The following AGAP1 variants were observed in gnomAD, a reference collection of about 807,000 sequenced individuals.
AGAP1 encodes the protein arf-GAP with GTPase, ANK repeat and PH domain-containing protein 1.
In AGAP1, 29 loss-of-function variants were observed where a neutral mutation model predicts 105.3. The observed-to-expected ratio is 0.28, with a 90% CI of 0.21 to 0.38. The LOEUF (loss-of-function observed/expected upper bound fraction) is 0.38, where lower values mean the gene tolerates loss of function less well. Ranked by LOEUF, AGAP1 falls within the 10% of genes least tolerant of loss-of-function variation. The pLI, the probability that AGAP1 is intolerant of heterozygous loss-of-function variation, is 1.00. For synonymous variants in AGAP1, 509 were observed against 485.9 expected (o/e 1.05, Z -0.63); for missense variants, 998 against 1,165.1 (o/e 0.86, Z 2.09).
intron 16 of AGAP1, among the ~76,000 whole-genome samples, chr2:236,084,059 G>C (rs534494418): frequency 6.6e-6 from 1 of 152,158 alleles, no homozygotes; most frequent in Admixed American, 6.5e-5. Context: ...CTGGAGGATT[G>C]GCGCTCTCTG....
intron 16 of AGAP1, among the ~76,000 whole-genome samples, chr2:236,077,443 C>T (rs1236293636): frequency 6.6e-6 from 1 of 151,760 alleles, no homozygotes; most frequent in African/African-American, 2.4e-5. Flanking sequence ...CTCAGCCTCC[C>T]GAGTAGCTGG....
In AGAP1 at chr2:235,555,579, G is replaced by A. The variant is rs1019294129; in HGVS notation, c.163+60730G>A. Among the ~76,000 whole-genome samples the A allele has an allele frequency of 3.9e-5, 6 of 152,210 alleles. No homozygotes were observed. The highest frequency in any genetic ancestry group is 1.4e-4 in the African/African-American group (6 of 41,470). On this transcript the variant is annotated intron_variant, in intron 1 of 17. Transcript: ENST00000304032. This position sits in a 1 kb window ranked among gnomAD's most constrained non-coding sequence, Gnocchi z 5.1. ...AGCTGTCCTGCAGCAGGAAGAGGTAGTCATGTTTGGAGGCCGGGCTGTGCA... is the reference window on the plus strand; with the variant it reads ...AGCTGTCCTGCAGCAGGAAGAGGTAATCATGTTTGGAGGCCGGGCTGTGCA...
At chr2:235,667,014 G>A (rs114258599) in intron 1 of AGAP1, among the ~76,000 whole-genome samples, 4,829 of 152,146 alleles carry the variant, frequency 0.032, 245 homozygotes, top group African/African-American at 0.1. Context: ...TTGTTTCTCA[G>A]CTTACAGACC....
chr2:235,622,500 GT>G lies in AGAP1; in HGVS notation c.164-86677del, dbSNP rs1196998696. On this transcript the variant is annotated intron_variant, in intron 1 of 17. Coordinates refer to ENST00000304032, the MANE Select transcript of AGAP1 (RefSeq NM_001037131.3). The surrounding 1 kb of genome is among the most constrained non-coding windows in gnomAD (Gnocchi z 5.0). The stretch of plus-strand genomic sequence containing the variant: ...AGGTGTCTGGGATCTGAAGACAGCA[GT>G]TGGGGAGGACAGTGTTGGCTGCTGC... Among the ~76,000 whole-genome samples, 5 of 152,190 alleles carry G rather than the reference GT, an allele frequency of 3.3e-5. No homozygotes were observed. Among genetic ancestry groups the G allele is most frequent in the Non-Finnish European group, 7.3e-5 (5 of 68,038 alleles).
rs2057868293 is a variant in AGAP1, at chr2:236,050,585, T to A, written c.2114+1304T>A. Among the ~76,000 whole-genome samples the A allele has an allele frequency of 6.6e-6, 1 of 152,186 alleles. No homozygotes were observed. The highest frequency in any genetic ancestry group is 1.5e-5 in the Non-Finnish European group (1 of 68,040). ...ACTGTGAACAAGCTTAAAAGATGAA[T>A]TCATGTTTTAATATCTATTTTTTCA... On this transcript the variant is annotated intron_variant, in intron 16 of 17. Coordinates refer to ENST00000304032, the MANE Select transcript of AGAP1 (RefSeq NM_001037131.3). The surrounding 1 kb of genome is among the most constrained non-coding windows in gnomAD (Gnocchi z 4.0).
chr2:235,736,370 T>C lies in AGAP1; in HGVS notation c.311-4593T>C, dbSNP rs1952254160. ...ATGAAGTTATGCTGATGTCATTTAA[T>C]CGTACGTCATCATAATTGGCAGCAG... On this transcript the variant is annotated intron_variant, in intron 3 of 17. Coordinates refer to ENST00000304032, the MANE Select transcript of AGAP1 (RefSeq NM_001037131.3). The surrounding 1 kb of genome is among the most constrained non-coding windows in gnomAD (Gnocchi z 5.5). Among the ~76,000 whole-genome samples, 1 of 152,110 alleles carries C rather than the reference T, an allele frequency of 6.6e-6. No individual in the cohort carries two copies. Among genetic ancestry groups the C allele is most frequent in the Non-Finnish European group, 1.5e-5 (1 of 68,036 alleles).
At chr2:235,518,764 A>G (rs1056301707) in intron 1 of AGAP1, among the ~76,000 whole-genome samples, 6 of 152,248 alleles carry the variant, frequency 3.9e-5, no homozygotes, top group Admixed American at 1.3e-4. Flanking sequence ...ATAACTTTCT[A>G]TCTCATAAGC....
intron 9 of AGAP1, among the ~76,000 whole-genome samples, chr2:235,880,083 C>CTT (rs35633339): frequency 2.1e-4 from 29 of 138,884 alleles, no homozygotes; most frequent in South Asian, 4.7e-4. Context: ...GCACTCTGGC[C>CTT]TTTTTTTTTT....
intron 1 of AGAP1, among the ~76,000 whole-genome samples, chr2:235,563,946 G>C (rs1258450241): frequency 1.3e-5 from 2 of 152,082 alleles, no homozygotes; most frequent in African/African-American, 4.8e-5. Flanking sequence ...AAGCTGGGTG[G>C]GGGGTGTGGA....
Position 235,755,475 on chromosome 2 carries a change from CTG to C in AGAP1, c.673+4989_673+4990del, listed in dbSNP as rs569567332. Among the ~76,000 whole-genome samples the C allele has an allele frequency of 6.4e-4, 98 of 152,302 alleles. 1 individual carries two copies. Among genetic ancestry groups the C allele is most frequent in the African/African-American group, 2.3e-3 (94 of 41,556 alleles). On this transcript the variant is annotated intron_variant, in intron 6 of 17. Coordinates refer to ENST00000304032, the MANE Select transcript of AGAP1 (RefSeq NM_001037131.3). The stretch of plus-strand genomic sequence containing the variant: ...CTTCCCTTTTTTCGAGGCAGGGTCT[CTG>C]TCACCCAGGTTGGAGTGCAGTGGCA...
intron 1 of AGAP1, among the ~76,000 whole-genome samples, chr2:235,583,955 C>T (rs1945018363): frequency 6.6e-6 from 1 of 151,980 alleles, no homozygotes; most frequent in East Asian, 1.9e-4. Flanking sequence ...ATCCTCCTGC[C>T]TCGGCCCCCC....
intron 13 of AGAP1, among the ~76,000 whole-genome samples, chr2:235,980,118 G>C (rs1265814722): frequency 6.6e-6 from 1 of 152,182 alleles, no homozygotes; most frequent in Non-Finnish European, 1.5e-5. Flanking sequence ...GTGAAAGGAC[G>C]ACCCTCCGTG....
At chr2:235,513,902 A>G (rs2149034450) in intron 1 of AGAP1, among the ~76,000 whole-genome samples, 1 of 152,328 alleles carries the variant, frequency 6.6e-6, no homozygotes, top group Admixed American at 6.5e-5. Context: ...AACAACACAC[A>G]GCACCCCCAC....
rs888333588 is a variant in AGAP1, at chr2:236,131,050, G to C, written c.*6928G>C. 6.6e-6 allele frequency: 1 copy of C among 152,256 alleles called. No homozygotes were observed. The highest frequency in any genetic ancestry group is 2.4e-5 in the African/African-American group (1 of 41,450). The allele number at this position is 152,256 out of a possible 1,614,324, so 9.4% of individuals were successfully genotyped here. ...TGCTTCGTGGCGTTAAGAACGGGGG[G>C]AGAGGGACCAGCACTGTAACGTTAG... On this transcript the variant is annotated 3_prime_UTR_variant, in exon 18 of 18. Transcript: ENST00000304032. The surrounding 1 kb of genome is among the most constrained non-coding windows in gnomAD (Gnocchi z 5.9).
intron 1 of AGAP1, among the ~76,000 whole-genome samples, chr2:235,497,999 T>A (rs1036264513): frequency 1.2e-4 from 19 of 152,206 alleles, no homozygotes; most frequent in African/African-American, 4.6e-4. Flanking sequence ...CACTGTTTTC[T>A]GGCATCTTCA....
intron 1 of AGAP1, among the ~76,000 whole-genome samples, chr2:235,630,999 C>A (rs1161345375): frequency 6.6e-6 from 1 of 152,198 alleles, no homozygotes; most frequent in East Asian, 1.9e-4. Flanking sequence ...AACACATTCT[C>A]TGGTAACTGT....
intron 12 of AGAP1, among the ~76,000 whole-genome samples, chr2:235,952,610 T>TA (rs555773475): frequency 1.1e-3 from 164 of 152,060 alleles, no homozygotes; most frequent in South Asian, 1.9e-3. Context: ...TGTTTTTTTT[T>TA]AAAAAAAACT....
chr2:235,736,880 TC>T lies in AGAP1; in HGVS notation c.311-4082del, dbSNP rs1952287126. ...AACACAACACAACAACAATGAAAAA[TC>T]TAATGACTGGGATGAGATCTGATGA... On this transcript the variant is annotated intron_variant, in intron 3 of 17. Coordinates refer to ENST00000304032, the MANE Select transcript of AGAP1 (RefSeq NM_001037131.3). This position sits in a 1 kb window ranked among gnomAD's most constrained non-coding sequence, Gnocchi z 5.5. Among the ~76,000 whole-genome samples, 1 of 152,006 alleles carries T rather than the reference TC, an allele frequency of 6.6e-6. No individual in the cohort carries two copies. Among genetic ancestry groups the T allele is most frequent in the Admixed American group, 6.6e-5 (1 of 15,264 alleles).
intron 6 of AGAP1, chr2:235,774,058 A>C: frequency 2.3e-6 from 1 of 439,480 alleles, no homozygotes; most frequent in Middle Eastern, 3.5e-4. Context: ...GATGAACAAA[A>C]GTTAAATTTC....
Sources: gnomAD v4.1 joint callset for allele counts (sites outside exome capture counted in the v4.1 genomes callset) on GRCh38, gnomAD v4.1.1 for gene constraint, Gnocchi (gnomAD v3.1) non-coding constraint, MANE v1.5 for transcripts, NCBI Gene and HGNC (gene_info 2026-07-23, HGNC 2026-07-21) for gene names.